The following RNGTT variants were observed in gnomAD, a reference collection of about 807,000 sequenced individuals.
RNGTT encodes mRNA-capping enzyme.
In RNGTT, 33 loss-of-function variants were observed where a neutral mutation model predicts 79.3. The observed-to-expected ratio is 0.42, with a 90% CI of 0.32 to 0.56. RNGTT has a LOEUF of 0.56. Among genes scored for constraint, RNGTT ranks in the 20% least tolerant of loss-of-function variants. The pLI is 0.17. For missense variants in RNGTT, 497 were observed against 739.1 expected, an observed-to-expected ratio of 0.67 and a Z score of 3.80; for synonymous variants, 222 against 235.9, an observed-to-expected ratio of 0.94 and a Z score of 0.54.
Position 88,837,897 on chromosome 6 carries a change from C to T in RNGTT, c.1269+6460G>A, listed in dbSNP as rs571022960. 2.3e-4 allele frequency among the ~76,000 whole-genome samples: 35 copies of T among 152,168 alleles called. No homozygotes were observed. The East Asian group carries it at 2.3e-3, about 10-fold the overall frequency. ...CCCACTCAAATCAGGAAAAAAGAAT[C>T]CCCATAACTACTGCCACAATTTAAA... On this transcript the variant is annotated intron_variant, in intron 11 of 15. Transcript: ENST00000369485.
chr6:88,847,338 C>T (rs919801908), intron 10 of RNGTT, among the ~76,000 whole-genome samples: 4 of 151,428 alleles, frequency 2.6e-5, no homozygotes, highest in African/African-American at 4.9e-5. Flanking sequence ...AAAAGATGAT[C>T]GATGCTGAGA....
At chr6:88,619,856 T>C (rs1275765045) in intron 14 of RNGTT, among the ~76,000 whole-genome samples, 1 of 152,188 alleles carries the variant, frequency 6.6e-6, no homozygotes, top group Non-Finnish European at 1.5e-5. Context: ...ATAAAACATA[T>C]ACATCAGAAA....
At chr6:88,821,893 A>G (rs74607032) in intron 11 of RNGTT, among the ~76,000 whole-genome samples, 1 of 151,860 alleles carries the variant, frequency 6.6e-6, no homozygotes, top group Admixed American at 6.6e-5. Context: ...AAAAAAAAAA[A>G]CCAGCAAATT....
intron 10 of RNGTT, among the ~76,000 whole-genome samples, 162 bp from the exon 11 acceptor site, chr6:88,844,683 AGTTT>A (rs1781431080): frequency 6.6e-6 from 1 of 152,242 alleles, no homozygotes; most frequent in Admixed American, 6.5e-5. Flanking sequence ...CCTAATAATT[AGTTT>A]GACTAACAAT....
rs1187244599 is a variant in RNGTT, at chr6:88,902,168, CAG to C, written c.684+2545_684+2546del. On this transcript the variant is annotated intron_variant, in intron 6 of 15. Coordinates refer to ENST00000369485, the MANE Select transcript of RNGTT (RefSeq NM_003800.5). ...CACCACTGCACTCCAGCCTGGATGA[CAG>C]AGTGAGATCCTATCTCTTTAAAAAA... 3.3e-5 allele frequency among the ~76,000 whole-genome samples: 5 copies of C among 151,790 alleles called. 1 individual carries two copies. The South Asian group carries it at 1.0e-3, about 32-fold the overall frequency.
chr6:88,939,903 C>A (rs1784792408), intron 2 of RNGTT, among the ~76,000 whole-genome samples: 1 of 151,364 alleles, frequency 6.6e-6, no homozygotes, highest in Non-Finnish European at 1.5e-5. Flanking sequence ...CAGGCACACA[C>A]CACCATGCCC....
At chr6:88,739,730 TA>T (rs1562227283) in intron 13 of RNGTT, among the ~76,000 whole-genome samples, 73 of 12,530 alleles carry the variant, frequency 5.8e-3, no homozygotes, top group African/African-American at 0.017. Flanking sequence ...AAAAATTATA[TA>T]TATATATATA....
In RNGTT at chr6:88,891,897, C is replaced by T; in HGVS notation, c.703G>A (p.Gly235Ser). 1 of 1,565,326 alleles carries T rather than the reference C, an allele frequency of 6.4e-7. No individual in the cohort carries two copies. Among genetic ancestry groups the T allele is most frequent in the Non-Finnish European group, 8.6e-7 (1 of 1,159,296 alleles). Reference protein sequence around the residue: ...RLKLGAIFLEGVTVKGVTQVT... With the variant: ...RLKLGAIFLESVTVKGVTQVT... ...TGAGTTACACCTTTAACAGTAACACCTTCCAAGAAAATAGCGCCCTTTAAA... is the reference window on the plus strand; with the variant it reads ...TGAGTTACACCTTTAACAGTAACACTTTCCAAGAAAATAGCGCCCTTTAAA... The change falls in exon 7 of 16, where the codon GGT (glycine) becomes AGT (serine). Residue 235 changes from glycine (G) to serine (S), a missense_variant. Transcript: ENST00000369485.
intron 8 of RNGTT, among the ~76,000 whole-genome samples, chr6:88,869,736 T>TA (rs1782293686): frequency 2.0e-5 from 3 of 152,132 alleles, no homozygotes; most frequent in Admixed American, 2.0e-4. Context: ...CAGCTAATAC[T>TA]ACTGAGACTA....
chr6:88,844,205 G>A (rs914083488), intron 11 of RNGTT, 152 bp downstream of exon 11: 25 of 610,980 alleles, frequency 4.1e-5, no homozygotes, highest in East Asian at 1.8e-4. Flanking sequence ...CCTAGGAGTC[G>A]TACCATGTTT....
intron 13 of RNGTT, among the ~76,000 whole-genome samples, chr6:88,704,062 A>C (rs558090004): frequency 2.7e-5 from 4 of 148,166 alleles, no homozygotes; most frequent in African/African-American, 7.9e-5. Flanking sequence ...GATCAAGACC[A>C]TGCTGGCTAA....
At chr6:88,634,060 T>C (rs903096122) in intron 14 of RNGTT, among the ~76,000 whole-genome samples, 2 of 152,158 alleles carry the variant, frequency 1.3e-5, no homozygotes, top group Admixed American at 6.5e-5. Context: ...ATCAATATTG[T>C]TTATGATAGA....
chr6:88,704,859 T>C (rs1776077897), intron 13 of RNGTT, among the ~76,000 whole-genome samples: 1 of 144,080 alleles, frequency 6.9e-6, no homozygotes, highest in Non-Finnish European at 1.5e-5. Context: ...CCTCTTTGAG[T>C]CATCCATTAA....
In RNGTT at chr6:88,760,023, T is replaced by A. The variant is rs1202665467; in HGVS notation, c.1439+9751A>T. Among the ~76,000 whole-genome samples the A allele has an allele frequency of 1.1e-4, 16 of 152,174 alleles. 1 individual carries two copies. The highest frequency in any genetic ancestry group is 1.0e-3 in the Admixed American group (16 of 15,268). On this transcript the variant is annotated intron_variant, in intron 13 of 15. Coordinates refer to ENST00000369485, the MANE Select transcript of RNGTT (RefSeq NM_003800.5). ...TGAGAAAAATCACATAAGCGAAAGG[T>A]ACTAATGTAAAGAATAGTGTTAAAA...
chr6:88,628,291 T>C (rs1390029726), intron 14 of RNGTT, among the ~76,000 whole-genome samples: 1 of 152,118 alleles, frequency 6.6e-6, no homozygotes, highest in East Asian at 1.9e-4. Flanking sequence ...TCTTCTCCCC[T>C]AAAACCCAAA....
intron 1 of RNGTT, among the ~76,000 whole-genome samples, chr6:88,960,282 T>C (rs991441261): frequency 1.3e-5 from 2 of 152,216 alleles, no homozygotes; most frequent in Admixed American, 1.3e-4. Flanking sequence ...GACTTCAAAA[T>C]CACCATCACT....
chr6:88,688,376 G>A (rs986699439), intron 13 of RNGTT, among the ~76,000 whole-genome samples: 11 of 152,144 alleles, frequency 7.2e-5, no homozygotes, highest in African/African-American at 9.7e-5. Context: ...AAATATACAC[G>A]TAGGTGCTTG....
chr6:88,806,435 G>A (rs533342634), intron 11 of RNGTT, among the ~76,000 whole-genome samples: 2 of 150,688 alleles, frequency 1.3e-5, no homozygotes, highest in Non-Finnish European at 2.9e-5. Context: ...CTCCTGCCTC[G>A]GCCTCCTAAG....
chr6:88,930,044 A>ATATACGTATACATGTATATGCATATG (rs1784455197), intron 2 of RNGTT, among the ~76,000 whole-genome samples: 1 of 143,652 alleles, frequency 7.0e-6, no homozygotes, highest in Non-Finnish European at 1.5e-5. Context: ...ATATATGCAT[A>ATATACGTATACATGTATATGCATATG]TATACATATA....
Sources: gnomAD v4.1 joint callset for allele counts (sites outside exome capture counted in the v4.1 genomes callset) on GRCh38, gnomAD v4.1.1 for gene constraint, MANE v1.5 for transcripts, NCBI Gene and HGNC (gene_info 2026-07-23, HGNC 2026-07-21) for gene names.